Variants in SH3KBP1 observed in about 807,000 individuals in gnomAD.
SH3KBP1 encodes the protein SH3 domain-containing kinase-binding protein 1.
Under a neutral mutation model 50.1 loss-of-function variants are expected in SH3KBP1, and 8 were observed. That is an observed-to-expected ratio of 0.16 (90% CI 0.09 to 0.29). The LOEUF (loss-of-function observed/expected upper bound fraction) is 0.29, where lower values mean the gene tolerates loss of function less well. SH3KBP1 is among the 10% of genes least tolerant of loss of function. The probability of loss-of-function intolerance (pLI) is 1.00; values close to 1 mark genes in which losing one functional copy is unlikely to be tolerated. For synonymous variants in SH3KBP1, 227 were observed against 218.6 expected (o/e 1.04, Z -0.34); for missense variants, 377 against 535.2 (o/e 0.70, Z 2.92).
intron 2 of SH3KBP1, among the ~76,000 whole-genome samples, chrX:19,756,021 C>A (rs138654729): frequency 4.2e-4 from 47 of 110,713 alleles, no homozygotes; most frequent in African/African-American, 1.4e-3. Flanking sequence ...AGGAGTCTTG[C>A]CGATGCTCCT....
intron 14 of SH3KBP1, among the ~76,000 whole-genome samples, chrX:19,548,618 C>T (rs1014614530): frequency 2.7e-5 from 3 of 111,782 alleles, no homozygotes; most frequent in African/African-American, 9.8e-5. Context: ...TCAAACCATA[C>T]TTCCAGACTC....
At chrX:19,574,656 G>T (rs939653826) in intron 12 of SH3KBP1, among the ~76,000 whole-genome samples, 26 of 112,022 alleles carry the variant, frequency 2.3e-4, no homozygotes, top group African/African-American at 7.5e-4. Flanking sequence ...CTTCTCAAAG[G>T]CCCCACCTCT....
intron 2 of SH3KBP1, among the ~76,000 whole-genome samples, chrX:19,795,883 T>C (rs1346706072): frequency 8.9e-6 from 1 of 112,213 alleles, no homozygotes; most frequent in Non-Finnish European, 1.9e-5. Context: ...ATGTCTATTA[T>C]ATTGCCATAA....
intron 3 of SH3KBP1, among the ~76,000 whole-genome samples, chrX:19,737,642 C>A (rs1443408055): frequency 9.0e-6 from 1 of 111,602 alleles, no homozygotes; most frequent in Non-Finnish European, 1.9e-5. Context: ...ATAATAAAAA[C>A]CACCTCTGGA....
chrX:19,866,904 C>T (rs748558326), intron 1 of SH3KBP1, among the ~76,000 whole-genome samples: 6 of 108,632 alleles, frequency 5.5e-5, no homozygotes, highest in Non-Finnish European at 9.6e-5. Context: ...CCTTACAACA[C>T]GACAAGGCCA....
rs1306374571 is a variant in SH3KBP1, at chrX:19,666,344, A to T, written c.726+17479T>A. Among the ~76,000 whole-genome samples the T allele has an allele frequency of 3.6e-5, 4 of 111,368 alleles. No homozygotes were observed. The East Asian group carries it at 1.1e-3, about 31-fold the overall frequency. ...TACTCTCCAACAAACCTTTGACTAT[A>T]GATTCAGGTAAGCGGATGGGGCAAC... On this transcript the variant is annotated intron_variant, in intron 6 of 17. Coordinates refer to ENST00000397821, the MANE Select transcript of SH3KBP1 (RefSeq NM_031892.3).
intron 1 of SH3KBP1, among the ~76,000 whole-genome samples, chrX:19,886,939 G>C (rs914835299): frequency 1.8e-5 from 2 of 109,389 alleles, no homozygotes; most frequent in Non-Finnish European, 3.8e-5. Flanking sequence ...CCAGGTCCGG[G>C]TGCCCGTGTC....
At chrX:19,837,708 T>C (rs1273948399) in intron 1 of SH3KBP1, among the ~76,000 whole-genome samples, 1 of 110,751 alleles carries the variant, frequency 9.0e-6, no homozygotes, top group Non-Finnish European at 1.9e-5. Context: ...CCCAAAGTGC[T>C]GGAATTACAG....
chrX:19,815,995 T>C (rs7067125), intron 2 of SH3KBP1, among the ~76,000 whole-genome samples: 3,687 of 112,220 alleles, frequency 0.033, 160 homozygotes, highest in African/African-American at 0.11. Flanking sequence ...TGAACTTAAG[T>C]TTTTATTTCT....
intron 6 of SH3KBP1, among the ~76,000 whole-genome samples, chrX:19,681,776 C>T (rs1227183257): frequency 9.0e-6 from 1 of 111,407 alleles, no homozygotes; most frequent in Non-Finnish European, 1.9e-5. Flanking sequence ...GGGAGGAAGT[C>T]CCAGCAGTAA....
intron 9 of SH3KBP1, among the ~76,000 whole-genome samples, chrX:19,597,787 A>G (rs1253241188): frequency 5.3e-5 from 6 of 112,772 alleles, no homozygotes; most frequent in African/African-American, 1.9e-4. Flanking sequence ...TAAAGTCACC[A>G]GATGCATTAG....
At chrX:19,726,038 T>C (rs1279134681) in intron 3 of SH3KBP1, among the ~76,000 whole-genome samples, 3 of 111,936 alleles carry the variant, frequency 2.7e-5, no homozygotes, top group African/African-American at 9.8e-5. Context: ...GGGAATCGTA[T>C]GCTTCATGGC....
chrX:19,775,449 A>T (rs1162643144), intron 2 of SH3KBP1, among the ~76,000 whole-genome samples: 3 of 112,325 alleles, frequency 2.7e-5, no homozygotes, highest in Non-Finnish European at 5.6e-5. Flanking sequence ...CTATTGATTT[A>T]AACATCAAGC....
chrX:19,829,905 G>A (rs899905431), intron 2 of SH3KBP1, among the ~76,000 whole-genome samples: 4 of 110,466 alleles, frequency 3.6e-5, no homozygotes, highest in Non-Finnish European at 5.7e-5. Flanking sequence ...GGCAATTCCC[G>A]GAACTGCGAG....
intron 7 of SH3KBP1, among the ~76,000 whole-genome samples, chrX:19,637,827 C>G (rs2061743268): frequency 9.1e-6 from 1 of 110,260 alleles, no homozygotes; most frequent in Non-Finnish European, 1.9e-5. Flanking sequence ...GTCTGTAATC[C>G]CAGCACTTTG....
intron 3 of SH3KBP1, among the ~76,000 whole-genome samples, chrX:19,723,523 G>C (rs2064134106): frequency 8.9e-6 from 1 of 112,043 alleles, no homozygotes; most frequent in African/African-American, 3.2e-5. Flanking sequence ...GTTTGAAATT[G>C]ACATCTTTAT....
chrX:19,589,468 G>A (rs1018559932), intron 11 of SH3KBP1, among the ~76,000 whole-genome samples: 8 of 111,888 alleles, frequency 7.2e-5, no homozygotes, highest in African/African-American at 9.8e-5. Flanking sequence ...TTCTTCTTGC[G>A]CACAAGAAGT....
At chrX:19,612,686 G>A (rs1486623979) in intron 8 of SH3KBP1, among the ~76,000 whole-genome samples, 1 of 112,256 alleles carries the variant, frequency 8.9e-6, no homozygotes, top group Non-Finnish European at 1.9e-5. Flanking sequence ...TGCAGGACAG[G>A]AGATGAATCC....
intron 13 of SH3KBP1, among the ~76,000 whole-genome samples, chrX:19,557,423 T>C (rs73631352): frequency 0.034 from 3,769 of 111,846 alleles, 155 homozygotes; most frequent in African/African-American, 0.11. Context: ...ATTAATTCAA[T>C]CAAACATTTC....
Sources: allele counts gnomAD v4.1 joint callset (sites outside exome capture counted in the v4.1 genomes callset), GRCh38; gene constraint gnomAD v4.1.1; transcripts MANE v1.5; gene names NCBI Gene and HGNC (gene_info 2026-07-23, HGNC 2026-07-21).